MARCHF7: variants seen among roughly 807,000 people sequenced by gnomAD.
MARCHF7 encodes membrane associated ring-CH-type finger 7, also known as E3 ubiquitin-protein ligase MARCHF7.
A neutral mutation model predicts 76.5 loss-of-function variants in MARCHF7; 20 were observed. That is an observed-to-expected ratio of 0.26 (90% CI 0.18 to 0.38). The LOEUF is 0.38. MARCHF7 is among the 10% of genes least tolerant of loss of function. The pLI is 1.00. For synonymous variants in MARCHF7, 295 were observed against 293.0 expected (o/e 1.01, Z -0.07); for missense variants, 797 against 812.9 (o/e 0.98, Z 0.24).
rs1481945730 is a variant in MARCHF7, at chr2:159,748,419, T to A, written c.1129T>A (p.Ser377Thr). The stretch of plus-strand genomic sequence containing the variant: ...AGATTCAGAAAATTTTAACCAAGAA[T>A]CTGAAGGTAGAAATACAGGACCATG... ...ESDSENFNQE[S>T]EGRNTGPWLS... Residue 377 changes from serine (S) to threonine (T), a missense_variant, in exon 7 of 12, where the codon TCT becomes ACT. Around this residue, in one of 3 missense-constraint regions of MARCHF7, gnomAD observed 643 missense variants for 631.5 expected, o/e 1.02. Transcript: ENST00000409175. The A allele has an allele frequency of 1.2e-6, 2 of 1,614,098 alleles. No individual in the cohort carries two copies. Among genetic ancestry groups the A allele is most frequent in the Non-Finnish European group, 1.7e-6 (2 of 1,180,026 alleles).
intron 3 of MARCHF7, among the ~76,000 whole-genome samples, chr2:159,720,710 G>T (rs1701540456): frequency 6.6e-6 from 1 of 152,166 alleles, no homozygotes; most frequent in South Asian, 2.1e-4. Flanking sequence ...CAAGATTTAT[G>T]TTGGCTTCTG....
At chr2:159,725,731 C>T (rs1352783660) in intron 3 of MARCHF7, among the ~76,000 whole-genome samples, 2 of 151,982 alleles carry the variant, frequency 1.3e-5, no homozygotes, top group Admixed American at 1.3e-4. Flanking sequence ...TACTTTGGTC[C>T]TTCTTTCATA....
intron 7 of MARCHF7, among the ~76,000 whole-genome samples, chr2:159,751,653 A>C (rs974815875): frequency 3.9e-5 from 6 of 152,178 alleles, no homozygotes; most frequent in Admixed American, 3.3e-4. Flanking sequence ...TTTACTGTAT[A>C]CCTGTTTCAT....
intron 8 of MARCHF7, among the ~76,000 whole-genome samples, chr2:159,755,912 G>A (rs1706235890): frequency 1.3e-5 from 2 of 152,162 alleles, no homozygotes; most frequent in African/African-American, 4.8e-5. Context: ...GTGGTGAGCA[G>A]TAGACCCCTA....
chr2:159,761,553 T>TA (rs757341339), intron 9 of MARCHF7, among the ~76,000 whole-genome samples: 10 of 150,206 alleles, frequency 6.7e-5, no homozygotes, highest in African/African-American at 1.2e-4. Flanking sequence ...TAGCTGGTGT[T>TA]ACAGGTTCCT....
intron 9 of MARCHF7, 145 bp downstream of exon 9, chr2:159,759,480 G>T: frequency 2.5e-6 from 1 of 405,570 alleles, no homozygotes; most frequent in South Asian, 7.5e-5. Context: ...TTCTGTTACT[G>T]CATTAGGTGT....
chr2:159,739,263 C>G (rs993357141), intron 4 of MARCHF7, among the ~76,000 whole-genome samples: 4 of 152,240 alleles, frequency 2.6e-5, no homozygotes, highest in African/African-American at 9.6e-5. Flanking sequence ...CGCACAGACC[C>G]TGCCACGCCT....
At chr2:159,759,886 C>A (rs1436218835) in intron 9 of MARCHF7, among the ~76,000 whole-genome samples, 1 of 152,118 alleles carries the variant, frequency 6.6e-6, no homozygotes, top group Non-Finnish European at 1.5e-5. Context: ...TGTTTGAGGC[C>A]AGGAGTTTGA....
At chr2:159,728,967 A>G in intron 3 of MARCHF7, 42 bp from the exon 4 acceptor site, 1 of 1,314,892 alleles carries the variant, frequency 7.6e-7, no homozygotes, top group Non-Finnish European at 1.0e-6. Flanking sequence ...AAAGGCTTTC[A>G]TATTTTCCCA....
chr2:159,718,083 G>C (rs902772216), intron 3 of MARCHF7, among the ~76,000 whole-genome samples: 1 of 152,182 alleles, frequency 6.6e-6, no homozygotes, highest in Non-Finnish European at 1.5e-5. Flanking sequence ...CTGTGTGCCA[G>C]CAAACCTCAC....
chr2:159,757,007 C>CTGG (rs1285469775), intron 8 of MARCHF7, among the ~76,000 whole-genome samples: 1 of 152,160 alleles, frequency 6.6e-6, no homozygotes, highest in African/African-American at 2.4e-5. Flanking sequence ...ATTCTCCTGC[C>CTGG]TCAGCCTCCT....
At chr2:159,736,469 T>C (rs894920444) in intron 4 of MARCHF7, among the ~76,000 whole-genome samples, 6 of 152,250 alleles carry the variant, frequency 3.9e-5, no homozygotes, top group African/African-American at 1.4e-4. Context: ...AGTACACTTG[T>C]CTTGTTACTC....
At chr2:159,729,292 C>A in intron 4 of MARCHF7, 117 bp downstream of exon 4, 1 of 640,406 alleles carries the variant, frequency 1.6e-6, no homozygotes, top group Non-Finnish European at 2.4e-6. Context: ...TAATCAAAAC[C>A]AATATATATG....
intron 3 of MARCHF7, among the ~76,000 whole-genome samples, chr2:159,722,227 C>T (rs868693451): frequency 8.5e-5 from 13 of 152,120 alleles, no homozygotes; most frequent in African/African-American, 2.9e-4. Context: ...ACCTCCACCT[C>T]CCGGGCTTCA....
chr2:159,761,210 G>T (rs1707018864), intron 9 of MARCHF7, among the ~76,000 whole-genome samples: 1 of 151,288 alleles, frequency 6.6e-6, no homozygotes, highest in African/African-American at 2.4e-5. Context: ...TTTTAGTAGG[G>T]ACGGGGCTTC....
intron 8 of MARCHF7, among the ~76,000 whole-genome samples, chr2:159,755,292 T>A (rs1304920451): frequency 7.6e-6 from 1 of 131,920 alleles, no homozygotes; most frequent in Non-Finnish European, 1.7e-5. Context: ...GGGTATGAAC[T>A]GAGTTGGTGA....
At chr2:159,733,567 A>T in intron 4 of MARCHF7, 1 of 974,170 alleles carries the variant, frequency 1.0e-6, no homozygotes, top group East Asian at 1.2e-4. Flanking sequence ...AAAAAAAAAG[A>T]TTGTTGAGGC....
rs183101569 is a variant in MARCHF7 at position 159,759,307 on chromosome 2, A to G, written c.1865A>G (p.Glu622Gly). The G allele has an allele frequency of 1.9e-6, 3 of 1,608,792 alleles. No homozygotes were observed. In the Admixed American group the frequency reaches 5.0e-5, roughly 27 times the overall value. Residue 622 changes from glutamate to glycine, a missense_variant, in exon 9 of 12, where the codon GAA (glutamate) becomes GGA (glycine). By Grantham distance (98) the Glu-to-Gly change is moderately conservative. This residue lies in a region of MARCHF7 where 124 missense variants were observed against 121.3 expected (regional missense o/e 1.02). Coordinates refer to ENST00000409175, the MANE Select transcript of MARCHF7 (RefSeq NM_001282805.2). ...ELNLEDFDIHELHRAHANEQA... is the reference protein window; with the variant it reads ...ELNLEDFDIHGLHRAHANEQA... ...AACCTGGAGGATTTTGATATTCATG[A>G]ACTACATAGAGCTCATGCAAATGAA... is the stretch of plus-strand genomic sequence containing the variant.
chr2:159,748,954 C>G, intron 7 of MARCHF7, 51 bp downstream of exon 7: 1 of 1,316,452 alleles, frequency 7.6e-7, no homozygotes, highest in South Asian at 1.7e-5. Context: ...AGAGAAAGAA[C>G]TCTTCATTTC....
Sources: gnomAD v4.1 joint callset for allele counts (sites outside exome capture counted in the v4.1 genomes callset) on GRCh38, gnomAD v4.1.1 for gene constraint, gnomAD v4.1.1 regional missense constraint, MANE v1.5 for transcripts, NCBI Gene and HGNC (gene_info 2026-07-23, HGNC 2026-07-21) for gene names.